Variants in NAALADL2 observed in about 807,000 individuals in gnomAD.
NAALADL2 encodes the protein inactive N-acetylated-alpha-linked acidic dipeptidase-like protein 2.
In NAALADL2, 76 loss-of-function variants were observed where a neutral mutation model predicts 87.2. That is an observed-to-expected ratio of 0.87 (90% CI 0.72 to 1.05). NAALADL2 has a LOEUF of 1.05. Ranked by LOEUF, NAALADL2 falls within the 50% of genes least tolerant of loss-of-function variation. NAALADL2 has a pLI of 0.00. For missense variants in NAALADL2, 1,089 were observed against 945.8 expected (o/e 1.15, Z -1.99); for synonymous variants, 354 against 331.0 (o/e 1.07, Z -0.75).
chr3:175,079,574 A>T (rs1396952825), intron 1 of NAALADL2: 1 of 152,226 alleles, frequency 6.6e-6, no homozygotes, highest in African/African-American at 2.4e-5. Flanking sequence ...AAAGGCATCC[A>T]AATTACTAAC....
chr3:175,563,415 G>A (rs1560763817), intron 9 of NAALADL2, among the ~76,000 whole-genome samples: 1 of 151,544 alleles, frequency 6.6e-6, no homozygotes, highest in African/African-American at 2.4e-5. Context: ...ATGTTTTTTA[G>A]AATTGTTATG....
chr3:174,934,622 G>A (rs1468611887), intron 1 of NAALADL2, among the ~76,000 whole-genome samples: 2 of 151,810 alleles, frequency 1.3e-5, no homozygotes, highest in African/African-American at 4.8e-5. Flanking sequence ...GACCAGCCTG[G>A]GCAACATGCT....
intron 2 of NAALADL2, among the ~76,000 whole-genome samples, chr3:174,553,274 CAT>C (rs1207145048): frequency 3.3e-5 from 5 of 152,196 alleles, no homozygotes; most frequent in South Asian, 2.1e-4. Context: ...AGTGCAATGA[CAT>C]GTGTAAGAAA....
chr3:175,739,274 C>A (rs1744934175), intron 12 of NAALADL2, among the ~76,000 whole-genome samples: 1 of 152,040 alleles, frequency 6.6e-6, no homozygotes, highest in Non-Finnish European at 1.5e-5. Context: ...ATATATGATC[C>A]TTTTGTGGTT....
intron 2 of NAALADL2, among the ~76,000 whole-genome samples, chr3:174,689,397 C>CTTTTTTT (rs58366472): frequency 6.7e-6 from 1 of 149,560 alleles, no homozygotes; most frequent in African/African-American, 2.4e-5. Context: ...CCCGCTTCAC[C>CTTTTTTT]TTTTTTTTAC....
chr3:174,757,330 G>A (rs1326660936), intron 3 of NAALADL2, among the ~76,000 whole-genome samples: 1 of 152,132 alleles, frequency 6.6e-6, no homozygotes, highest in Non-Finnish European at 1.5e-5. Flanking sequence ...CAATGAGCAA[G>A]GCTGGGGCAT....
chr3:175,585,471 G>A (rs1324925731), intron 10 of NAALADL2, among the ~76,000 whole-genome samples: 8 of 152,196 alleles, frequency 5.3e-5, no homozygotes, highest in Admixed American at 4.6e-4. Context: ...CATTCTCAAC[G>A]TTAAGCAATA....
At chr3:175,143,942 A>G (rs1677471127) in intron 2 of NAALADL2, among the ~76,000 whole-genome samples, 1 of 151,764 alleles carries the variant, frequency 6.6e-6, no homozygotes, top group Non-Finnish European at 1.5e-5. Context: ...TGTAGAAACA[A>G]TATTGATGTT....
At chr3:175,502,407 A>G (rs553030566) in intron 9 of NAALADL2, among the ~76,000 whole-genome samples, 36 of 152,290 alleles carry the variant, frequency 2.4e-4, no homozygotes, top group African/African-American at 7.9e-4. Context: ...AAATGAGGCA[A>G]TGCGACAAGT....
chr3:174,969,218 T>C (rs1743277823), intron 1 of NAALADL2, among the ~76,000 whole-genome samples: 1 of 152,168 alleles, frequency 6.6e-6, no homozygotes, highest in Non-Finnish European at 1.5e-5. Context: ...GAGAAACTGC[T>C]AGCAGGTATT....
intron 1 of NAALADL2, among the ~76,000 whole-genome samples, chr3:174,897,119 G>A (rs908409236): frequency 9.2e-5 from 14 of 152,074 alleles, no homozygotes; most frequent in African/African-American, 3.4e-4. Flanking sequence ...AAGACTTTTT[G>A]AGCAATACCC....
intron 13 of NAALADL2, among the ~76,000 whole-genome samples, chr3:175,792,022 A>T (rs1376988983): frequency 6.7e-6 from 1 of 148,166 alleles, no homozygotes; most frequent in Non-Finnish European, 1.5e-5. Context: ...ACTTGCATTT[A>T]AAAAAAAATA....
intron 5 of NAALADL2, among the ~76,000 whole-genome samples, chr3:175,381,076 T>C (rs1297794094): frequency 6.6e-6 from 1 of 151,942 alleles, no homozygotes; most frequent in Non-Finnish European, 1.5e-5. Flanking sequence ...AACCTGAAAA[T>C]ATATTTTATT....
chr3:175,659,019 A>T (rs1410391984), intron 11 of NAALADL2, among the ~76,000 whole-genome samples: 1 of 152,198 alleles, frequency 6.6e-6, no homozygotes, highest in Non-Finnish European at 1.5e-5. Context: ...GCTCTGGACC[A>T]CACAGTCTTG....
intron 1 of NAALADL2, among the ~76,000 whole-genome samples, chr3:174,920,898 G>A (rs1318278071): frequency 6.6e-6 from 1 of 152,210 alleles, no homozygotes; most frequent in Non-Finnish European, 1.5e-5. Flanking sequence ...AAGGAGGCCT[G>A]AGGAGAGAGA....
chr3:175,361,639 G>A (rs1455878749), intron 5 of NAALADL2, among the ~76,000 whole-genome samples: 1 of 148,292 alleles, frequency 6.7e-6, no homozygotes, highest in African/African-American at 2.4e-5. Context: ...ATTTTTTCAT[G>A]TGTCTTTTGG....
chr3:175,116,453 A>T (rs1481067610), intron 2 of NAALADL2, among the ~76,000 whole-genome samples: 1 of 150,352 alleles, frequency 6.7e-6, no homozygotes, highest in Non-Finnish European at 1.5e-5. Context: ...ACAAACAGAG[A>T]GCCAAATCAT....
rs147108473 is a variant in NAALADL2, at chr3:175,513,375, G to A, written c.1653+41617G>A. On this transcript the variant is annotated intron_variant, in intron 9 of 13. Coordinates refer to ENST00000454872, the MANE Select transcript of NAALADL2 (RefSeq NM_207015.3). Reference sequence around the variant, plus strand: ...CTCAGTCATACTAGCCACTTTTTGCGTGCTCAAAAACCATGTGTCAGTGAC... The same window carrying A: ...CTCAGTCATACTAGCCACTTTTTGCATGCTCAAAAACCATGTGTCAGTGAC... 3.0e-3 allele frequency among the ~76,000 whole-genome samples: 463 copies of A among 152,108 alleles called. 3 individuals are homozygous for A. Among genetic ancestry groups the A allele is most frequent in the African/African-American group, 0.01 (428 of 41,500 alleles).
chr3:175,593,803 C>T (rs528587520), intron 10 of NAALADL2, among the ~76,000 whole-genome samples: 5 of 152,056 alleles, frequency 3.3e-5, no homozygotes, highest in African/African-American at 9.6e-5. Context: ...ACTTAGTCAC[C>T]TGCAAAGACC....
Sources: gnomAD v4.1 joint callset for allele counts (sites outside exome capture counted in the v4.1 genomes callset) on GRCh38, gnomAD v4.1.1 for gene constraint, MANE v1.5 for transcripts, NCBI Gene and HGNC (gene_info 2026-07-23, HGNC 2026-07-21) for gene names.